Variants in FSTL5 observed in about 807,000 individuals in gnomAD.
FSTL5 encodes follistatin like 5.
In FSTL5, 62 loss-of-function variants were observed where a neutral mutation model predicts 89.1. The ratio of observed to expected loss-of-function variants is 0.70; its 90% CI spans 0.57 to 0.86. FSTL5 has a LOEUF of 0.86. Among genes scored for constraint, FSTL5 ranks in the 40% least tolerant of loss-of-function variants. The pLI, the probability that FSTL5 is intolerant of heterozygous loss-of-function variation, is 0.00. For synonymous variants in FSTL5, 383 were observed against 346.2 expected, an observed-to-expected ratio of 1.11 and a Z score of -1.18; for missense variants, 1,057 against 1,001.6, an observed-to-expected ratio of 1.06 and a Z score of -0.75.
At chr4:161,781,373 T>A (rs1384809735) in intron 4 of FSTL5, among the ~76,000 whole-genome samples, 2 of 152,072 alleles carry the variant, frequency 1.3e-5, no homozygotes, top group Non-Finnish European at 2.9e-5. Flanking sequence ...CTACCTAAAT[T>A]TCAAAAAGAT....
intron 4 of FSTL5, among the ~76,000 whole-genome samples, chr4:161,810,093 G>A (rs1322642463): frequency 1.3e-5 from 2 of 151,838 alleles, no homozygotes; most frequent in African/African-American, 4.8e-5. Flanking sequence ...TTATAATGAT[G>A]GTTATATGAA....
At chr4:161,881,596 A>G (rs985777601) in intron 4 of FSTL5, among the ~76,000 whole-genome samples, 18 of 152,112 alleles carry the variant, frequency 1.2e-4, no homozygotes, top group Admixed American at 5.2e-4. Flanking sequence ...TTCTCCTAAC[A>G]GTCAGCATTG....
intron 7 of FSTL5, among the ~76,000 whole-genome samples, chr4:161,625,122 G>C (rs907351024): frequency 6.6e-6 from 1 of 152,048 alleles, no homozygotes; most frequent in Non-Finnish European, 1.5e-5. Context: ...TACTCAAAAA[G>C]TTCCTTTTAA....
At chr4:161,795,577 T>C (rs1475004041) in intron 4 of FSTL5, among the ~76,000 whole-genome samples, 1 of 152,126 alleles carries the variant, frequency 6.6e-6, no homozygotes, top group Admixed American at 6.5e-5. Flanking sequence ...AAATTGGTAC[T>C]ATAGCGAAGC....
At chr4:161,525,009 A>C (rs930629821) in intron 10 of FSTL5, among the ~76,000 whole-genome samples, 8 of 152,118 alleles carry the variant, frequency 5.3e-5, no homozygotes, top group African/African-American at 1.7e-4. Context: ...TATTCTCTTA[A>C]ATCTCCAGCT....
intron 4 of FSTL5, among the ~76,000 whole-genome samples, chr4:161,819,367 C>T (rs79833115): frequency 6.6e-6 from 1 of 151,992 alleles, no homozygotes; most frequent in African/African-American, 2.4e-5. Context: ...TGAGTTGGTT[C>T]TTCCTATTTT....
chr4:162,141,375 A>G (rs997431809), intron 1 of FSTL5, among the ~76,000 whole-genome samples: 1 of 87,206 alleles, frequency 1.1e-5, no homozygotes, highest in Non-Finnish European at 2.7e-5. Context: ...TCGGCCTCCC[A>G]AAGTGCTGGG....
intron 7 of FSTL5, among the ~76,000 whole-genome samples, chr4:161,592,698 A>AAT (rs1406238264): frequency 2.6e-5 from 4 of 152,124 alleles, no homozygotes; most frequent in African/African-American, 7.2e-5. Flanking sequence ...GTTGGTTCCA[A>AAT]GCCTTTGCTA....
chr4:161,864,544 A>C (rs1001453899), intron 4 of FSTL5, among the ~76,000 whole-genome samples: 2 of 152,188 alleles, frequency 1.3e-5, no homozygotes, highest in Non-Finnish European at 2.9e-5. Context: ...GAAAGTTGGG[A>C]AGCTGGTGCA....
intron 7 of FSTL5, among the ~76,000 whole-genome samples, chr4:161,629,031 A>C (rs1735407230): frequency 6.6e-6 from 1 of 152,234 alleles, no homozygotes; most frequent in African/African-American, 2.4e-5. Flanking sequence ...ACACATCTAT[A>C]GGTATGTGTT....
At chr4:162,135,134 A>G (rs1732474219) in intron 1 of FSTL5, among the ~76,000 whole-genome samples, 1 of 152,184 alleles carries the variant, frequency 6.6e-6, no homozygotes, top group East Asian at 1.9e-4. Context: ...TTATGGAGCC[A>G]GTCAGAACAA....
chr4:161,521,868 A>G lies in FSTL5; in HGVS notation c.1313-11444T>C, dbSNP rs1249639212. 3.3e-5 allele frequency among the ~76,000 whole-genome samples: 5 copies of G among 150,674 alleles called. 1 individual carries two copies. Among genetic ancestry groups the G allele is most frequent in the African/African-American group, 7.3e-5 (3 of 40,988 alleles). Reference sequence around the variant, plus strand: ...CACCTCAAAAAAAAAAAAAAAAGAAAAAAAAAGAAAAAAAGGTTATGAATT... The same window carrying G: ...CACCTCAAAAAAAAAAAAAAAAGAAGAAAAAAGAAAAAAAGGTTATGAATT... On this transcript the variant is annotated intron_variant, in intron 10 of 15. Transcript: ENST00000306100.
chr4:161,541,693 T>C (rs1731823559), intron 9 of FSTL5, among the ~76,000 whole-genome samples: 1 of 152,020 alleles, frequency 6.6e-6, no homozygotes, highest in Non-Finnish European at 1.5e-5. Context: ...GAACTCTATG[T>C]AATAAAGTGA....
chr4:161,514,765 G>A (rs1730759523), intron 10 of FSTL5, among the ~76,000 whole-genome samples: 1 of 152,020 alleles, frequency 6.6e-6, no homozygotes, highest in Non-Finnish European at 1.5e-5. Context: ...ATCAAAATTT[G>A]AAGGTAAAAT....
chr4:161,574,352 T>C (rs1339700699), intron 8 of FSTL5, among the ~76,000 whole-genome samples: 1 of 151,844 alleles, frequency 6.6e-6, no homozygotes, highest in African/African-American at 2.4e-5. Flanking sequence ...TTCTTTTTTT[T>C]TTTTAAATTT....
chr4:161,647,380 A>C (rs1204772420), intron 7 of FSTL5, among the ~76,000 whole-genome samples: 1 of 152,092 alleles, frequency 6.6e-6, no homozygotes, highest in African/African-American at 2.4e-5. Flanking sequence ...ATGCTGTTTT[A>C]ATTACTGTAG....
intron 3 of FSTL5, among the ~76,000 whole-genome samples, chr4:161,989,863 T>C (rs1736063954): frequency 6.6e-6 from 1 of 152,168 alleles, no homozygotes; most frequent in Non-Finnish European, 1.5e-5. Flanking sequence ...AAATATGAAA[T>C]TGAATACATG....
chr4:161,529,269 T>C (rs1201887555), intron 10 of FSTL5, among the ~76,000 whole-genome samples: 1 of 141,820 alleles, frequency 7.1e-6, no homozygotes, highest in Non-Finnish European at 1.5e-5. Flanking sequence ...TGAAGGGTAT[T>C]ATTTTAAAAA....
At chr4:161,746,607 T>G (rs1373111841) in intron 6 of FSTL5, among the ~76,000 whole-genome samples, 1 of 152,166 alleles carries the variant, frequency 6.6e-6, no homozygotes, top group Non-Finnish European at 1.5e-5. Flanking sequence ...ATGAAATCAT[T>G]GACCCCAAAA....
Sources: allele counts gnomAD v4.1 joint callset (sites outside exome capture counted in the v4.1 genomes callset), GRCh38; gene constraint gnomAD v4.1.1; transcripts MANE v1.5; gene names NCBI Gene and HGNC (gene_info 2026-07-23, HGNC 2026-07-21).